The following MPRIP variants were observed in gnomAD, a reference collection of about 807,000 sequenced individuals.
MPRIP encodes myosin phosphatase Rho-interacting protein.
A neutral mutation model predicts 234.9 loss-of-function variants in MPRIP; 59 were observed. The observed-to-expected ratio is 0.25, with a 90% CI of 0.20 to 0.31. The LOEUF is 0.31. MPRIP is among the 10% of genes least tolerant of loss of function. The pLI, the probability that MPRIP is intolerant of heterozygous loss-of-function variation, is 1.00. For missense variants in MPRIP, 2,436 were observed against 3,071.0 expected, an observed-to-expected ratio of 0.79 and a Z score of 4.89; for synonymous variants, 1,144 against 1,263.9, an observed-to-expected ratio of 0.91 and a Z score of 2.01.
chr17:17,172,557 C>CA, intron 17 of MPRIP, 141 bp from the exon 18 acceptor site: 1 of 631,612 alleles, frequency 1.6e-6, no homozygotes, highest in Non-Finnish European at 2.8e-6. Context: ...GCCAGCCTGT[C>CA]ATGCAAAATC....
At chr17:17,099,960 A>G (rs1161380650) in intron 3 of MPRIP, among the ~76,000 whole-genome samples, 1 of 152,216 alleles carries the variant, frequency 6.6e-6, no homozygotes, top group African/African-American at 2.4e-5. Flanking sequence ...GAAGAATCAG[A>G]TGGGACATCT....
chr17:17,062,410 G>A (rs779568097), intron 1 of MPRIP, among the ~76,000 whole-genome samples: 4 of 152,198 alleles, frequency 2.6e-5, no homozygotes, highest in Admixed American at 6.5e-5. Context: ...TTGGCAGTCC[G>A]CATAATAGCT....
chr17:17,062,053 A>G (rs1449320155), intron 1 of MPRIP, among the ~76,000 whole-genome samples: 1 of 152,016 alleles, frequency 6.6e-6, no homozygotes, highest in Non-Finnish European at 1.5e-5. Flanking sequence ...AATCACAGAG[A>G]TACTGCCTTG....
chr17:17,147,222 G>A (rs2045487383), intron 10 of MPRIP, 97 bp from the exon 11 acceptor site: 1 of 1,153,896 alleles, frequency 8.7e-7, no homozygotes, highest in Non-Finnish European at 1.3e-6. Flanking sequence ...TGTGCTCTGG[G>A]AGGGCCCCAC....
At chr17:17,082,420 G>A (rs1177239891) in intron 3 of MPRIP, among the ~76,000 whole-genome samples, 1 of 145,484 alleles carries the variant, frequency 6.9e-6, no homozygotes, top group Non-Finnish European at 1.5e-5. Flanking sequence ...CTCAGCCTCC[G>A]GAGTAGCTGG....
chr17:17,072,614 G>GAGTTGTTA (rs2089223272), intron 1 of MPRIP, among the ~76,000 whole-genome samples: 1 of 152,228 alleles, frequency 6.6e-6, no homozygotes, highest in South Asian at 2.1e-4. Context: ...GGACATTTCG[G>GAGTTGTTA]GGAAGCCCTG....
chr17:17,131,557 G>A, intron 4 of MPRIP, 60 bp from the exon 5 acceptor site: 5 of 1,464,654 alleles, frequency 3.4e-6, no homozygotes, highest in Non-Finnish European at 9.6e-7. Flanking sequence ...CAAGGGCCAG[G>A]GCTCCTAGTC....
At chr17:17,125,511 A>G (rs950679858) in intron 3 of MPRIP, among the ~76,000 whole-genome samples, 8 of 152,172 alleles carry the variant, frequency 5.3e-5, no homozygotes, top group Admixed American at 1.3e-4. Context: ...AGGGGTGTAG[A>G]AAGAGGTGGC....
intron 1 of MPRIP, among the ~76,000 whole-genome samples, chr17:17,049,494 GTT>G (rs2088464163): frequency 2.0e-5 from 3 of 152,110 alleles, no homozygotes; most frequent in Admixed American, 1.3e-4. Context: ...ATATCTGATT[GTT>G]TCTAGAGTCT....
intron 16 of MPRIP, chr17:17,168,259 C>T (rs1188323508): frequency 7.1e-6 from 2 of 281,766 alleles, no homozygotes; most frequent in Non-Finnish European, 1.4e-5. Context: ...TGCCTCCTTC[C>T]TGCCCCTGCC....
intron 3 of MPRIP, among the ~76,000 whole-genome samples, chr17:17,120,932 G>A (rs1393146945): frequency 2.0e-5 from 3 of 152,152 alleles, no homozygotes; most frequent in Non-Finnish European, 4.4e-5. Flanking sequence ...CTGCCCCCTA[G>A]GCAGAGGCAG....
intron 3 of MPRIP, among the ~76,000 whole-genome samples, chr17:17,090,589 C>G (rs1276257118): frequency 3.3e-5 from 5 of 152,136 alleles, no homozygotes; most frequent in Non-Finnish European, 7.4e-5. Flanking sequence ...GGCAAAAGTC[C>G]AAGGCTCACT....
chr17:17,121,622 A>G (rs572524423), intron 3 of MPRIP, among the ~76,000 whole-genome samples: 1 of 152,330 alleles, frequency 6.6e-6, no homozygotes, highest in South Asian at 2.1e-4. Context: ...GGAAGGGGGA[A>G]CACTGCACTA....
rs756258329 is a variant in MPRIP at position 17,167,564 on chromosome 17, T to C, written c.5973T>C (p.His1991=). ...VRDRQDMERH[H]GEQIQTLEDR... ...ACAGGCAGGACATGGAGAGGCATCA[T>C]GGTGAGCAGATACAGACCCTGGAGG... Residue 1991 remains histidine, a synonymous_variant, in exon 16 of 24, where the codon CAT becomes CAC. Transcript: ENST00000651222. This position sits in a 1 kb window ranked among gnomAD's most constrained non-coding sequence, Gnocchi z 5.9. 225 of 1,304,140 alleles carry C rather than the reference T, an allele frequency of 1.7e-4. 1 individual carries two copies. The highest frequency in any genetic ancestry group is 1.8e-4 in the Non-Finnish European group (177 of 988,936). The allele number at this position is 1,304,140 out of a possible 1,614,324, so 80.8% of individuals were successfully genotyped here. A position where few individuals can be genotyped will look rare whatever the true frequency, so the allele number is the denominator to read the frequency against.
At position 17,163,585 on chromosome 17, in the gene MPRIP, G is replaced by T. The variant is rs182442581; in HGVS notation, c.2518-524G>T. Among the ~76,000 whole-genome samples the T allele has an allele frequency of 3.3e-3, 499 of 152,160 alleles. 3 individuals carry two copies. The highest frequency in any genetic ancestry group is 9.4e-3 in the African/African-American group (389 of 41,500). On this transcript the variant is annotated intron_variant, in intron 15 of 23. Coordinates refer to ENST00000651222, the MANE Select transcript of MPRIP (RefSeq NM_001364716.4). ...TACACTTTCCACAGGAAAATGTTTG[G>T]ATGTCACCTTGCTGACATCTCCCGA...
At position 17,077,591 on chromosome 17, in the gene MPRIP, T is replaced by A. The variant is rs561468400; in HGVS notation, c.202-420T>A. The stretch of plus-strand genomic sequence containing the variant: ...GTTTCCCAGGTTTTTTCAGAAGTGG[T>A]GAATCCATGCCTTGGCATTCCTGGA... On this transcript the variant is annotated intron_variant, in intron 2 of 23. Coordinates refer to ENST00000651222, the MANE Select transcript of MPRIP (RefSeq NM_001364716.4). 85 of 158,982 alleles carry A rather than the reference T, an allele frequency of 5.3e-4. 1 individual carries two copies. Among genetic ancestry groups the A allele is most frequent in the Non-Finnish European group, 1.0e-3 (73 of 71,928 alleles). 9.8% of individuals were successfully genotyped at this position (158,982 alleles called of 1,614,324 possible). A position where few individuals can be genotyped will look rare whatever the true frequency, so the allele number is the denominator to read the frequency against.
intron 3 of MPRIP, among the ~76,000 whole-genome samples, chr17:17,110,568 T>C (rs538144690): frequency 6.6e-6 from 1 of 151,988 alleles, no homozygotes; most frequent in Admixed American, 6.5e-5. Context: ...AGCACAGGGG[T>C]GGGGAGCAGC....
chr17:17,063,163 C>T (rs1383347191), intron 1 of MPRIP, among the ~76,000 whole-genome samples: 2 of 152,220 alleles, frequency 1.3e-5, no homozygotes, highest in African/African-American at 4.8e-5. Context: ...TGCAGCCTGG[C>T]TTGCCCAGGT....
At position 17,042,976 on chromosome 17, in the gene MPRIP, G is replaced by T; in HGVS notation, c.123+5G>T. ...AACGACGAGGACCTGACGCAGGTGA[G>T]CGACTGGGGCCGGCCCGGACACCTC... On this transcript the variant is annotated splice_donor_5th_base_variant and intron_variant, in intron 1 of 23. Coordinates refer to ENST00000651222, the MANE Select transcript of MPRIP (RefSeq NM_001364716.4). The T allele has an allele frequency of 6.2e-7, 1 of 1,609,472 alleles. No homozygotes were observed. Among genetic ancestry groups the T allele is most frequent in the Non-Finnish European group, 8.5e-7 (1 of 1,177,908 alleles).
Sources: gnomAD v4.1 joint callset for allele counts (sites outside exome capture counted in the v4.1 genomes callset) on GRCh38, gnomAD v4.1.1 for gene constraint, Gnocchi (gnomAD v3.1) non-coding constraint, MANE v1.5 for transcripts, NCBI Gene and HGNC (gene_info 2026-07-23, HGNC 2026-07-21) for gene names.